Variants in ARFGEF3 observed in about 807,000 individuals in gnomAD.
ARFGEF3 encodes the protein brefeldin A-inhibited guanine nucleotide-exchange protein 3.
ARFGEF3 carries 96 observed loss-of-function variants against 221.7 expected under a neutral mutation model. The observed-to-expected ratio is 0.43, with a 90% confidence interval of 0.37 to 0.51. The LOEUF is 0.51. ARFGEF3 is among the 20% of genes least tolerant of loss of function. ARFGEF3 has a pLI of 0.00. For missense variants in ARFGEF3, 2,410 were observed against 2,789.9 expected, an observed-to-expected ratio of 0.86 and a Z score of 3.07; for synonymous variants, 1,145 against 1,126.8, an observed-to-expected ratio of 1.02 and a Z score of -0.32.
At chr6:138,303,860 CAAAAAAAAAAAAA>C (rs140349507) in intron 22 of ARFGEF3, among the ~76,000 whole-genome samples, 327 of 20,622 alleles carry the variant, frequency 0.016, 5 homozygotes, top group African/African-American at 0.044. Context: ...GACTCCGTCT[CAAAAAAAAAAAAA>C]AAAAAAAAAA....
chr6:138,182,800 C>G (rs1777104680), intron 2 of ARFGEF3, among the ~76,000 whole-genome samples: 1 of 152,056 alleles, frequency 6.6e-6, no homozygotes, highest in Non-Finnish European at 1.5e-5. Context: ...TTAAGGTGAG[C>G]AAAACTGAAG....
chr6:138,275,542 G>A (rs986267589), intron 12 of ARFGEF3, among the ~76,000 whole-genome samples: 2 of 151,936 alleles, frequency 1.3e-5, no homozygotes, highest in African/African-American at 2.4e-5. Flanking sequence ...CGAGGTCTTC[G>A]AGACCAGCCT....
At position 138,192,622 on chromosome 6, in the gene ARFGEF3, G is replaced by A. The variant is rs143885576; in HGVS notation, c.138-14420G>A. On this transcript the variant is annotated intron_variant, in intron 2 of 33. Coordinates refer to ENST00000251691, the MANE Select transcript of ARFGEF3 (RefSeq NM_020340.5). ...CATGAAGCAGTTAACTGCAGTGATT[G>A]TGGGTTGGGATTGGTCTGCAGGCTG... 7.2e-3 allele frequency among the ~76,000 whole-genome samples: 1,093 copies of A among 152,354 alleles called. 10 individuals carry two copies. Among genetic ancestry groups the A allele is most frequent in the African/African-American group, 0.025 (1,023 of 41,576 alleles).
chr6:138,278,722 C>A lies in ARFGEF3; in HGVS notation c.2295+105C>A, dbSNP rs546688553. 2.2e-5 allele frequency: 27 copies of A among 1,232,436 alleles called. No individual in the cohort carries two copies. In the East Asian group the frequency reaches 5.0e-4, roughly 23 times the overall value. The allele number at this position is 1,232,436 out of a possible 1,614,324, so 76.3% of individuals were successfully genotyped here. On this transcript the variant is annotated intron_variant, in intron 13 of 33. Coordinates refer to ENST00000251691, the MANE Select transcript of ARFGEF3 (RefSeq NM_020340.5). ...GTGGGATGGCACAGCGTGTTTTGTT[C>A]CAGACTGCTCTAGGTTGGTAATGCC...
intron 1 of ARFGEF3, among the ~76,000 whole-genome samples, chr6:138,165,697 A>T (rs1048097539): frequency 2.6e-5 from 4 of 151,842 alleles, no homozygotes; most frequent in African/African-American, 9.7e-5. Context: ...CAGGAGAGAG[A>T]GGGTCACTCC....
At chr6:138,211,300 TC>T (rs1255688999) in intron 4 of ARFGEF3, among the ~76,000 whole-genome samples, 3 of 152,336 alleles carry the variant, frequency 2.0e-5, no homozygotes, top group Non-Finnish European at 4.4e-5. Context: ...TTCACTAGCA[TC>T]CCAACTGATT....
intron 17 of ARFGEF3, among the ~76,000 whole-genome samples, chr6:138,288,036 T>A (rs1583050576): frequency 6.7e-6 from 1 of 149,280 alleles, no homozygotes. Flanking sequence ...CACAGTTCTT[T>A]AAAAAAAAAA....
At chr6:138,325,170 A>G (rs1321827675) in intron 31 of ARFGEF3, among the ~76,000 whole-genome samples, 2 of 152,240 alleles carry the variant, frequency 1.3e-5, no homozygotes, top group African/African-American at 4.8e-5. Context: ...CATTTGAGTT[A>G]AATTTGAAGA....
intron 1 of ARFGEF3, among the ~76,000 whole-genome samples, chr6:138,164,990 A>G (rs1776696267): frequency 6.6e-6 from 1 of 151,592 alleles, no homozygotes; most frequent in Non-Finnish European, 1.5e-5. Flanking sequence ...TTAGACCCTC[A>G]TAGGAGCAAG....
intron 20 of ARFGEF3, among the ~76,000 whole-genome samples, chr6:138,294,636 T>C (rs1358424167): frequency 1.3e-5 from 2 of 152,234 alleles, no homozygotes; most frequent in Non-Finnish European, 2.9e-5. Context: ...AGTATCCCTG[T>C]TGTCTCCAAT....
At chr6:138,251,287 T>G (rs1778578002) in intron 8 of ARFGEF3, among the ~76,000 whole-genome samples, 1 of 152,236 alleles carries the variant, frequency 6.6e-6, no homozygotes, top group Non-Finnish European at 1.5e-5. Context: ...GTTTTCGTTT[T>G]GTGATGCTAG....
chr6:138,251,692 AC>A (rs1293288877), intron 8 of ARFGEF3, among the ~76,000 whole-genome samples: 1 of 151,136 alleles, frequency 6.6e-6, no homozygotes, highest in Non-Finnish European at 1.5e-5. Context: ...TTCCTCCTCC[AC>A]CCTGATATTT....
chr6:138,263,278 G>C lies in ARFGEF3; in HGVS notation c.1795G>C (p.Asp599His). 6.2e-7 allele frequency: 1 copy of C among 1,613,980 alleles called. No homozygotes were observed. The highest frequency in any genetic ancestry group is 8.5e-7 in the Non-Finnish European group (1 of 1,179,890). The change falls in exon 12 of 34, where the codon GAT (aspartate) becomes CAT (histidine). Residue 599 changes from aspartate to histidine, a missense_variant. This residue lies in a region of ARFGEF3 where 594 missense variants were observed against 734.3 expected (regional missense o/e 0.81). Transcript: ENST00000251691. Reference sequence around the variant, plus strand: ...GTATAGTGAGAGCAATTTTAGCGTTGATGACCAAGACCTTTCTAGGACAGA... The same window carrying C: ...GTATAGTGAGAGCAATTTTAGCGTTCATGACCAAGACCTTTCTAGGACAGA... ...SRYSESNFSV[D>H]DQDLSRTEFD...
chr6:138,197,064 C>T (rs549282072), intron 2 of ARFGEF3, among the ~76,000 whole-genome samples: 354 of 152,244 alleles, frequency 2.3e-3, no homozygotes, highest in African/African-American at 8.0e-3. Context: ...AACTCCTGAC[C>T]TCAGGTGATC....
chr6:138,248,611 G>A (rs547291716), intron 8 of ARFGEF3, among the ~76,000 whole-genome samples: 1 of 152,122 alleles, frequency 6.6e-6, no homozygotes, highest in Non-Finnish European at 1.5e-5. Context: ...CCTAGCTAGA[G>A]GTCAGGAGTT....
intron 22 of ARFGEF3, among the ~76,000 whole-genome samples, chr6:138,299,741 G>C (rs766650837): frequency 6.6e-6 from 1 of 152,126 alleles, no homozygotes; most frequent in African/African-American, 2.4e-5. Context: ...AAATCTCAAC[G>C]CAAACTTTAC....
At chr6:138,264,861 C>T (rs146656088) in intron 12 of ARFGEF3, among the ~76,000 whole-genome samples, 335 of 151,164 alleles carry the variant, frequency 2.2e-3, no homozygotes, top group African/African-American at 7.8e-3. Context: ...GAAAAAGACA[C>T]TTAAATCTCT....
intron 2 of ARFGEF3, among the ~76,000 whole-genome samples, chr6:138,196,155 C>G (rs1015753051): frequency 6.6e-6 from 1 of 152,216 alleles, no homozygotes; most frequent in Non-Finnish European, 1.5e-5. Flanking sequence ...CCTGCCCTGC[C>G]TCTTGTCCAG....
chr6:138,256,203 T>G (rs371409449), intron 10 of ARFGEF3, among the ~76,000 whole-genome samples: 2 of 152,170 alleles, frequency 1.3e-5, no homozygotes, highest in East Asian at 3.9e-4. Flanking sequence ...GAGGAATCCC[T>G]TTGTCCCATT....
Sources: allele counts gnomAD v4.1 joint callset (sites outside exome capture counted in the v4.1 genomes callset), GRCh38; gene constraint gnomAD v4.1.1; regional missense constraint gnomAD v4.1.1; transcripts MANE v1.5; gene names NCBI Gene and HGNC (gene_info 2026-07-23, HGNC 2026-07-21).